GLIS3: variants seen among roughly 807,000 people sequenced by gnomAD.
The protein encoded by GLIS3 is zinc finger protein GLIS3.
A neutral mutation model predicts 78.6 loss-of-function variants in GLIS3; 53 were observed. The observed-to-expected ratio is 0.67, with a 90% CI of 0.54 to 0.85. GLIS3 has a LOEUF of 0.85. Ranked by LOEUF, GLIS3 falls within the 40% of genes least tolerant of loss-of-function variation. The pLI, the probability that GLIS3 is intolerant of heterozygous loss-of-function variation, is 0.00. For synonymous variants in GLIS3, 684 were observed against 509.9 expected (o/e 1.34, Z -4.60); for missense variants, 1,703 against 1,231.1 (o/e 1.38, Z -5.74).
intron 2 of GLIS3, among the ~76,000 whole-genome samples, chr9:4,229,053 G>A (rs1822026664): frequency 6.6e-6 from 1 of 152,168 alleles, no homozygotes; most frequent in Admixed American, 6.5e-5. Context: ...TGGGGAATGA[G>A]CTCCAAAATT....
At chr9:4,004,996 A>C (rs1215835895) in intron 4 of GLIS3, among the ~76,000 whole-genome samples, 1 of 152,192 alleles carries the variant, frequency 6.6e-6, no homozygotes, top group Admixed American at 6.5e-5. Flanking sequence ...CAGCTCCTCA[A>C]TTCACAGGCA....
intron 2 of GLIS3, chr9:4,152,166 C>G (rs976556004): frequency 5.1e-6 from 5 of 975,476 alleles, no homozygotes; most frequent in Non-Finnish European, 6.1e-6. Flanking sequence ...CCTCCAACAC[C>G]CTTCAACCAT....
intron 2 of GLIS3, among the ~76,000 whole-genome samples, chr9:4,335,291 A>G (rs1004230280): frequency 1.3e-5 from 2 of 152,204 alleles, no homozygotes; most frequent in African/African-American, 2.4e-5. Context: ...AGTGACGATC[A>G]AAGTCTATAC....
At chr9:4,176,176 G>A (rs1010326562) in intron 2 of GLIS3, among the ~76,000 whole-genome samples, 86 of 151,978 alleles carry the variant, frequency 5.7e-4, no homozygotes, top group African/African-American at 1.9e-3. Flanking sequence ...TGGCACTTTC[G>A]GCGGACTTGT....
intron 6 of GLIS3, among the ~76,000 whole-genome samples, chr9:3,916,973 G>A (rs1017720506): frequency 3.3e-5 from 5 of 152,120 alleles, no homozygotes; most frequent in African/African-American, 9.7e-5. Flanking sequence ...GAATTATTCA[G>A]CAAGGGCACA....
intron 4 of GLIS3, among the ~76,000 whole-genome samples, chr9:4,084,596 G>A (rs1046331964): frequency 6.6e-6 from 1 of 152,138 alleles, no homozygotes; most frequent in African/African-American, 2.4e-5. Context: ...AAAAGGCTGA[G>A]CAGCCGAAGG....
chr9:4,388,365 C>G, the GLIS3 span, among the ~76,000 whole-genome samples: 1 of 151,988 alleles, frequency 6.6e-6, no homozygotes, highest in African/African-American at 2.4e-5. Context: ...TTAGCTTTAC[C>G]TCCAGGGTTT....
chr9:4,206,364 A>T (rs557996803), intron 2 of GLIS3, among the ~76,000 whole-genome samples: 2 of 152,260 alleles, frequency 1.3e-5, no homozygotes, highest in African/African-American at 2.4e-5. Flanking sequence ...TCTTTCACCA[A>T]ATTGCAGTAT....
At chr9:4,441,030 T>C in the GLIS3 span, among the ~76,000 whole-genome samples, 1 of 152,238 alleles carries the variant, frequency 6.6e-6, no homozygotes, top group Non-Finnish European at 1.5e-5. Context: ...TAAATTCATT[T>C]ATTAGTTCTA....
At chr9:4,277,711 C>G (rs1046817515) in intron 2 of GLIS3, among the ~76,000 whole-genome samples, 2 of 152,144 alleles carry the variant, frequency 1.3e-5, no homozygotes, top group Non-Finnish European at 2.9e-5. Context: ...AAAATCTTCC[C>G]AATTATATAT....
intron 4 of GLIS3, among the ~76,000 whole-genome samples, chr9:4,110,408 TAATCA>T (rs1831114443): frequency 6.6e-6 from 1 of 152,244 alleles, no homozygotes; most frequent in African/African-American, 2.4e-5. Flanking sequence ...CTTTTTAAAC[TAATCA>T]TTTAAAAAAT....
chr9:4,480,867 T>C, the GLIS3 span, among the ~76,000 whole-genome samples: 1 of 151,724 alleles, frequency 6.6e-6, no homozygotes, highest in African/African-American at 2.4e-5. Flanking sequence ...TACTGGTTTT[T>C]TTTCTGAGAC....
intron 6 of GLIS3, among the ~76,000 whole-genome samples, chr9:3,925,506 T>C (rs2130748855): frequency 6.6e-6 from 1 of 152,316 alleles, no homozygotes; most frequent in Middle Eastern, 3.4e-3. Context: ...CATGTCTGTA[T>C]GGGTTTTCTC....
chr9:4,133,123 T>C (rs913882028), intron 2 of GLIS3, among the ~76,000 whole-genome samples: 3 of 152,230 alleles, frequency 2.0e-5, no homozygotes, highest in African/African-American at 7.2e-5. Flanking sequence ...GTACTATCTA[T>C]CTATCTAACC....
At chr9:4,467,868 C>T in the GLIS3 span, among the ~76,000 whole-genome samples, 1 of 152,108 alleles carries the variant, frequency 6.6e-6, no homozygotes, top group Admixed American at 6.5e-5. Flanking sequence ...TCAAACCCAT[C>T]ACAAAGAAGC....
chr9:3,838,615 A>T (rs554349204), intron 9 of GLIS3, among the ~76,000 whole-genome samples: 1 of 152,334 alleles, frequency 6.6e-6, no homozygotes, highest in African/African-American at 2.4e-5. Flanking sequence ...TACTTGGGTC[A>T]GTTAGGTGCT....
the GLIS3 span, among the ~76,000 whole-genome samples, chr9:4,408,132 G>T: frequency 6.6e-6 from 1 of 152,292 alleles, no homozygotes; most frequent in Non-Finnish European, 1.5e-5. Flanking sequence ...TAGCAAGAAT[G>T]TGGAGAAAAG....
chr9:3,868,515 C>G (rs966042585), intron 8 of GLIS3, among the ~76,000 whole-genome samples: 3 of 152,216 alleles, frequency 2.0e-5, no homozygotes, highest in Non-Finnish European at 2.9e-5. Flanking sequence ...TGCTGCTTCA[C>G]TAATCCAGGA....
At chr9:4,412,791 G>A in the GLIS3 span, among the ~76,000 whole-genome samples, 1 of 152,244 alleles carries the variant, frequency 6.6e-6, no homozygotes, top group Admixed American at 6.5e-5. Context: ...GGTCAAAAAT[G>A]AATGTGCCAT....
Sources: allele counts gnomAD v4.1 joint callset (sites outside exome capture counted in the v4.1 genomes callset), GRCh38; gene constraint gnomAD v4.1.1; transcripts MANE v1.5; gene names NCBI Gene and HGNC (gene_info 2026-07-23, HGNC 2026-07-21).